Variants in RNF213 observed in about 807,000 individuals in gnomAD.
RNF213 encodes E3 ubiquitin-protein ligase RNF213.
RNF213 carries 341 observed loss-of-function variants against 514.4 expected under a neutral mutation model. The observed-to-expected ratio is 0.66, with a 90% CI of 0.61 to 0.73. RNF213 has a LOEUF of 0.73. Among genes scored for constraint, RNF213 ranks in the 30% least tolerant of loss-of-function variants. RNF213 has a pLI of 0.00. For synonymous variants in RNF213, 2,655 were observed against 2,658.2 expected (o/e 1.00, Z 0.04); for missense variants, 5,767 against 6,615.6 (o/e 0.87, Z 4.45).
chr17:80,344,657 A>G lies in RNF213; in HGVS notation c.6343-21A>G, dbSNP rs371693850. On this transcript the variant is annotated intron_variant, in intron 28 of 67. Coordinates refer to ENST00000582970, the MANE Select transcript of RNF213 (RefSeq NM_001256071.3). ...TAGAAAGTCTTCTTGTAACCATTTC[A>G]TTAATGTCTCTCCTTTCCAGCGTAC... 3.8e-5 allele frequency: 62 copies of G among 1,613,936 alleles called. No homozygotes were observed. In the African/African-American group the frequency reaches 7.7e-4, roughly 20 times the overall value.
intron 38 of RNF213, 75 bp from the exon 39 acceptor site, chr17:80,361,659 C>G (rs2144372329): frequency 6.4e-7 from 1 of 1,568,690 alleles, no homozygotes; most frequent in Non-Finnish European, 8.7e-7. Context: ...CCCCTTCACT[C>G]CGGAGCCCCC....
chr17:80,302,358 G>GCATATATATTGTATC (rs1194364761), intron 11 of RNF213, among the ~76,000 whole-genome samples: 1 of 152,086 alleles, frequency 6.6e-6, no homozygotes, highest in Non-Finnish European at 1.5e-5. Context: ...TACACTGTAT[G>GCATATATATTGTATC]CATATATATT....
chr17:80,282,972 AC>A (rs1471066242), intron 3 of RNF213, among the ~76,000 whole-genome samples: 1 of 152,198 alleles, frequency 6.6e-6, no homozygotes, highest in Non-Finnish European at 1.5e-5. Context: ...TGCTGGGATT[AC>A]AGGTGTGAGC....
In RNF213 at chr17:80,380,855, C is replaced by T. The variant is rs753565812; in HGVS notation, c.13665C>T (p.Thr4555=). Residue 4555 remains threonine (T), a synonymous_variant, in exon 56 of 68, where the codon ACC becomes ACT. Transcript: ENST00000582970. ...GAGACAAGGCAGACAGAACGCAGAC[C>T]GGCCACGTGCTGGGCAACCCGCAGC... ...LVKDKADRTQ[T]GHVLGNPQRR... is the part of the protein sequence containing the mutation. 225 of 1,614,062 alleles carry T rather than the reference C, an allele frequency of 1.4e-4. No individual in the cohort carries two copies. The highest frequency in any genetic ancestry group is 3.3e-4 in the Middle Eastern group (2 of 6,084).
intron 17 of RNF213, chr17:80,321,182 T>A (rs113550121): frequency 2.6e-5 from 4 of 152,350 alleles, no homozygotes; most frequent in African/African-American, 9.6e-5. Flanking sequence ...ACTTGTTTCA[T>A]ATACATCTTA....
chr17:80,306,114 C>T (rs944535877), intron 11 of RNF213, 138 bp from the exon 12 acceptor site: 1 of 826,210 alleles, frequency 1.2e-6, no homozygotes, highest in Non-Finnish European at 2.0e-6. Context: ...AGGTGTGAGC[C>T]ACCACGCCTG....
In RNF213 at chr17:80,287,501, CAAAT is replaced by C. The variant is rs1031398675; in HGVS notation, c.262-300_262-297del. Among the ~76,000 whole-genome samples, 14 of 152,256 alleles carry C rather than the reference CAAAT, an allele frequency of 9.2e-5. 1 individual carries two copies. Among genetic ancestry groups the C allele is most frequent in the Non-Finnish European group, 1.9e-4 (13 of 68,010 alleles). On this transcript the variant is annotated intron_variant, in intron 3 of 67. Coordinates refer to ENST00000582970, the MANE Select transcript of RNF213 (RefSeq NM_001256071.3). ...TGGGCGACAGAGGGAGACCTTGTCT[CAAAT>C]AAATAAATAAATACAAATCCATCTC...
intron 63 of RNF213, 50 bp downstream of exon 63, chr17:80,386,941 C>A: frequency 6.5e-7 from 1 of 1,532,944 alleles, no homozygotes; most frequent in Non-Finnish European, 8.9e-7. Flanking sequence ...CTGTTGTGAA[C>A]AAGCAGCCCT....
chr17:80,293,957 C>T (rs913454749), intron 8 of RNF213, among the ~76,000 whole-genome samples: 2 of 151,934 alleles, frequency 1.3e-5, no homozygotes, highest in African/African-American at 2.4e-5. Context: ...CTGGGGTGGG[C>T]GGGCCTGCCA....
In RNF213 at chr17:80,353,353, C is replaced by A; in HGVS notation, c.10424-159C>A. On this transcript the variant is annotated intron_variant, in intron 33 of 67. Transcript: ENST00000582970. The surrounding 1 kb of genome is among the most constrained non-coding windows in gnomAD (Gnocchi z 5.0). Reference sequence around the variant, plus strand: ...GGAAGGGGCTGCCTTGGGGGCTGATCTTCATGACCGTGATCTCTCATCTGG... The same window carrying A: ...GGAAGGGGCTGCCTTGGGGGCTGATATTCATGACCGTGATCTCTCATCTGG... 1 of 914,572 alleles carries A rather than the reference C, an allele frequency of 1.1e-6. No individual in the cohort carries two copies. Among genetic ancestry groups the A allele is most frequent in the Non-Finnish European group, 1.7e-6 (1 of 583,222 alleles). The allele number at this position is 914,572 out of a possible 1,614,324, so 56.7% of individuals were successfully genotyped here. A position where few individuals can be genotyped will look rare whatever the true frequency, so the allele number is the denominator to read the frequency against.
At chr17:80,386,167 C>A (rs2144637659) in intron 61 of RNF213, 83 bp from the exon 62 acceptor site, 1 of 1,365,394 alleles carries the variant, frequency 7.3e-7, no homozygotes, top group Non-Finnish European at 1.0e-6. Context: ...GAGCTGATGG[C>A]TTCTGCATCC....
chr17:80,339,517 G>A lies in RNF213; in HGVS notation c.5150G>A (p.Arg1717Lys). 1 of 1,537,254 alleles carries A rather than the reference G, an allele frequency of 6.5e-7. No individual in the cohort carries two copies. Among genetic ancestry groups the A allele is most frequent in the East Asian group, 2.4e-5 (1 of 40,914 alleles). Reference protein sequence around the residue: ...EQLVYLSTELRKQPPSDAALT... With the variant: ...EQLVYLSTELKKQPPSDAALT... ...CTGGTTTACCTGAGCACTGAGCTCA[G>A]GAAGCAGCCCCCGAGTGATGCCGCC... is the stretch of plus-strand genomic sequence containing the variant. The change falls in exon 26 of 68, where the codon AGG (arginine) becomes AAG (lysine). Residue 1717 changes from arginine to lysine, a missense_variant. Coordinates refer to ENST00000582970, the MANE Select transcript of RNF213 (RefSeq NM_001256071.3).
intron 52 of RNF213, 73 bp from the exon 53 acceptor site, chr17:80,376,809 C>A: frequency 1.5e-6 from 2 of 1,324,060 alleles, no homozygotes; most frequent in South Asian, 1.2e-5. Flanking sequence ...TTCCTCTAGG[C>A]CTCCTGCTGA....
chr17:80,379,545 T>C, intron 54 of RNF213, 75 bp from the exon 55 acceptor site: 1 of 1,334,720 alleles, frequency 7.5e-7, no homozygotes, highest in South Asian at 1.2e-5. Flanking sequence ...AAGGAGGTGT[T>C]CATTTGCATG....
intron 3 of RNF213, among the ~76,000 whole-genome samples, chr17:80,274,605 A>T (rs1567997353): frequency 9.2e-4 from 8 of 8,710 alleles, no homozygotes; most frequent in East Asian, 2.6e-3. Flanking sequence ...GAGTGGGGTG[A>T]GTGTGGGGGG....
rs2080393126 is a variant in RNF213, at chr17:80,389,902, G to A, written c.15270G>A (p.Leu5090=). ...TGTCTGCTCATAAGTCTGAACAGCT[G>A]CTGCGGCTGCACAAAGTAAGTCTGG... ...QFLSAHKSEQ[L]LRLHKEPFGE... is the part of the protein sequence containing the mutation. Residue 5090 remains leucine (L), a synonymous_variant, in exon 66 of 68, where the codon CTG becomes CTA. Transcript: ENST00000582970. The A allele has an allele frequency of 6.2e-7, 1 of 1,614,082 alleles. No homozygotes were observed. Among genetic ancestry groups the A allele is most frequent in the South Asian group, 1.1e-5 (1 of 91,088 alleles).
rs1158856811 is a variant in RNF213 at position 80,263,867 on chromosome 17, A to T, written c.97+89A>T. 5.3e-6 allele frequency: 6 copies of T among 1,133,560 alleles called. No individual in the cohort carries two copies. The African/African-American group carries it at 6.1e-5, about 12-fold the overall frequency. 70.2% of individuals were successfully genotyped at this position (1,133,560 alleles called of 1,614,324 possible). A position where few individuals can be genotyped will look rare whatever the true frequency, so the allele number is the denominator to read the frequency against. ...CTTCCAGGAAATGGAAACCCTGGGC[A>T]GCAGGCAGCTCAGGTGGGGCCGAGG... On this transcript the variant is annotated intron_variant, in intron 2 of 67. Coordinates refer to ENST00000582970, the MANE Select transcript of RNF213 (RefSeq NM_001256071.3). This position sits in a 1 kb window ranked among gnomAD's most constrained non-coding sequence, Gnocchi z 4.9.
intron 3 of RNF213, among the ~76,000 whole-genome samples, chr17:80,283,785 A>G (rs1014340295): frequency 7.2e-5 from 11 of 152,234 alleles, no homozygotes; most frequent in African/African-American, 2.4e-4. Flanking sequence ...TCGGCGGTCC[A>G]GAGCCTCAGG....
chr17:80,374,010 A>AG (rs1475318367), intron 49 of RNF213, among the ~76,000 whole-genome samples: 2 of 149,192 alleles, frequency 1.3e-5, no homozygotes, highest in Non-Finnish European at 3.0e-5. Context: ...GTCTCAAAAA[A>AG]AAAAAAAAAA....
Sources: allele counts gnomAD v4.1 joint callset (sites outside exome capture counted in the v4.1 genomes callset), GRCh38; gene constraint gnomAD v4.1.1; non-coding constraint Gnocchi (gnomAD v3.1); transcripts MANE v1.5; gene names NCBI Gene and HGNC (gene_info 2026-07-23, HGNC 2026-07-21).